Variants in SYT1 observed in about 807,000 individuals in gnomAD.
SYT1 encodes synaptotagmin 1, also known as synaptotagmin-1.
Under a neutral mutation model 44.8 loss-of-function variants are expected in SYT1, and 8 were observed. That is an observed-to-expected ratio of 0.18 (90% CI 0.10 to 0.32). The LOEUF (loss-of-function observed/expected upper bound fraction) is 0.32, where lower values mean the gene tolerates loss of function less well. SYT1 is among the 10% of genes least tolerant of loss of function. SYT1 has a pLI of 1.00. For missense variants in SYT1, 286 were observed against 509.3 expected, an observed-to-expected ratio of 0.56 and a Z score of 4.22; for synonymous variants, 154 against 188.8, an observed-to-expected ratio of 0.82 and a Z score of 1.51.
chr12:79,402,008 A>T (rs935485856), intron 9 of SYT1, among the ~76,000 whole-genome samples: 1 of 152,104 alleles, frequency 6.6e-6, no homozygotes, highest in Non-Finnish European at 1.5e-5. Context: ...AGGAAGAAAG[A>T]GATTAAGAAG....
rs2136212536 is a variant in SYT1 at position 79,449,233 on chromosome 12, C to T, written c.*109C>T. 1.7e-6 allele frequency: 2 copies of T among 1,154,260 alleles called. No homozygotes were observed. Among genetic ancestry groups the T allele is most frequent in the Non-Finnish European group, 1.2e-6 (1 of 815,098 alleles). 71.5% of individuals were successfully genotyped at this position (1,154,260 alleles called of 1,614,324 possible). A position where few individuals can be genotyped will look rare whatever the true frequency, so the allele number is the denominator to read the frequency against. On this transcript the variant is annotated 3_prime_UTR_variant, in exon 11 of 11. Transcript: ENST00000261205. ...CATTTTTCCAGCCATGCATTCCTAACACAATTCAGTGGTACTTGGAATCCT... is the reference window on the plus strand; with the variant it reads ...CATTTTTCCAGCCATGCATTCCTAATACAATTCAGTGGTACTTGGAATCCT...
chr12:79,432,383 G>A (rs946382983), intron 9 of SYT1, among the ~76,000 whole-genome samples: 2 of 151,518 alleles, frequency 1.3e-5, no homozygotes, highest in African/African-American at 4.9e-5. Flanking sequence ...CCCACAAGAG[G>A]CCCCGGTGTG....
At chr12:79,089,179 T>C (rs1339556874) in intron 3 of SYT1, among the ~76,000 whole-genome samples, 1 of 152,032 alleles carries the variant, frequency 6.6e-6, no homozygotes, top group African/African-American at 2.4e-5. Flanking sequence ...AGAAATCTGT[T>C]TGGATCTGAA....
At chr12:78,973,195 T>C (rs555325808) in intron 1 of SYT1, among the ~76,000 whole-genome samples, 1 of 152,320 alleles carries the variant, frequency 6.6e-6, no homozygotes, top group South Asian at 2.1e-4. Context: ...CTATGTACAT[T>C]GTGAAATGAC....
intron 1 of SYT1, among the ~76,000 whole-genome samples, chr12:78,931,224 AAAGAAAGAAAGAAAGAAGGAAGG>A (rs1565723334): frequency 4.4e-4 from 27 of 61,018 alleles, no homozygotes; most frequent in South Asian, 2.1e-3. Context: ...AGAAAGAAAG[AAAGAAAGAAAGAAAGAAGGAAGG>A]AAGGAAGGAA....
intron 2 of SYT1, among the ~76,000 whole-genome samples, chr12:79,001,337 C>T (rs996467027): frequency 1.3e-5 from 2 of 151,460 alleles, no homozygotes; most frequent in African/African-American, 4.8e-5. Context: ...TTTCATCATT[C>T]AGAGATAATT....
At chr12:79,128,251 G>A (rs1436956275) in intron 3 of SYT1, among the ~76,000 whole-genome samples, 3 of 152,078 alleles carry the variant, frequency 2.0e-5, no homozygotes, top group Non-Finnish European at 2.9e-5. Context: ...AAATTAGTCA[G>A]GTGTACTGGC....
chr12:78,966,076 CAAA>C (rs1355976130), intron 1 of SYT1, among the ~76,000 whole-genome samples: 4 of 80,478 alleles, frequency 5.0e-5, no homozygotes. Context: ...GACTCTGTCT[CAAA>C]AAAAAAAAAA....
intron 3 of SYT1, among the ~76,000 whole-genome samples, chr12:79,136,624 T>A (rs1186035043): frequency 2.6e-5 from 4 of 152,232 alleles, no homozygotes; most frequent in African/African-American, 9.6e-5. Flanking sequence ...TAAAAATGAC[T>A]AATGCAACTC....
chr12:78,916,766 T>C (rs1876678048), intron 1 of SYT1, among the ~76,000 whole-genome samples: 1 of 152,056 alleles, frequency 6.6e-6, no homozygotes, highest in African/African-American at 2.4e-5. Flanking sequence ...TGCTACCTAA[T>C]TTCTTTTTAA....
chr12:79,335,993 A>C (rs1244018325), intron 8 of SYT1, among the ~76,000 whole-genome samples: 4 of 152,232 alleles, frequency 2.6e-5, no homozygotes, highest in Non-Finnish European at 4.4e-5. Flanking sequence ...TTTTTCAATG[A>C]AATTGCCATA....
intron 1 of SYT1, among the ~76,000 whole-genome samples, chr12:78,891,685 A>G (rs1194571576): frequency 2.0e-5 from 3 of 151,882 alleles, no homozygotes; most frequent in Non-Finnish European, 4.4e-5. Flanking sequence ...TGTAGGATAA[A>G]AGGAAACTTT....
chr12:79,043,514 G>A (rs1189072216), intron 2 of SYT1, among the ~76,000 whole-genome samples: 1 of 150,418 alleles, frequency 6.6e-6, no homozygotes, highest in African/African-American at 2.5e-5. Flanking sequence ...TTGAGCCTAT[G>A]TGTGTCTCTG....
chr12:79,206,816 A>G (rs1242896107), intron 3 of SYT1, among the ~76,000 whole-genome samples: 1 of 152,248 alleles, frequency 6.6e-6, no homozygotes, highest in Non-Finnish European at 1.5e-5. Flanking sequence ...AGGTGCAGAT[A>G]CTTAGATCAT....
At chr12:79,349,279 A>T (rs77377693) in intron 8 of SYT1, among the ~76,000 whole-genome samples, 3,996 of 152,274 alleles carry the variant, frequency 0.026, 71 homozygotes, top group East Asian at 0.099. Context: ...GGGTTAAATG[A>T]ATAAAGGAAA....
At chr12:79,385,829 T>C (rs1300379633) in intron 9 of SYT1, among the ~76,000 whole-genome samples, 1 of 152,198 alleles carries the variant, frequency 6.6e-6, no homozygotes, top group Non-Finnish European at 1.5e-5. Flanking sequence ...GCCACTGGTG[T>C]CTTAGGTGAA....
chr12:79,261,099 G>C (rs1460259770), intron 4 of SYT1, among the ~76,000 whole-genome samples: 2 of 152,110 alleles, frequency 1.3e-5, no homozygotes, highest in African/African-American at 4.8e-5. Flanking sequence ...GTGCTCAGTA[G>C]TCTTATAAAA....
intron 9 of SYT1, among the ~76,000 whole-genome samples, chr12:79,422,933 C>T (rs1869207708): frequency 6.6e-6 from 1 of 152,076 alleles, no homozygotes; most frequent in African/African-American, 2.4e-5. Flanking sequence ...CCGATACATG[C>T]TCTGTCAGAA....
intron 3 of SYT1, among the ~76,000 whole-genome samples, chr12:79,212,105 C>A (rs576748140): frequency 6.6e-6 from 1 of 152,068 alleles, no homozygotes; most frequent in South Asian, 2.1e-4. Flanking sequence ...AGGCTTGGAA[C>A]CAACCAAAAT....
Sources: allele counts gnomAD v4.1 joint callset (sites outside exome capture counted in the v4.1 genomes callset), GRCh38; gene constraint gnomAD v4.1.1; transcripts MANE v1.5; gene names NCBI Gene and HGNC (gene_info 2026-07-23, HGNC 2026-07-21).